SLC16A10: variants seen among roughly 807,000 people sequenced by gnomAD.
The protein encoded by SLC16A10 is solute carrier family 16 member 10, also known as monocarboxylate transporter 10.
Under a neutral mutation model 40.0 loss-of-function variants are expected in SLC16A10, and 27 were observed. The ratio of observed to expected loss-of-function variants is 0.67; its 90% CI spans 0.50 to 0.93. The LOEUF (loss-of-function observed/expected upper bound fraction) is 0.93, where lower values mean the gene tolerates loss of function less well. Among genes scored for constraint, SLC16A10 ranks in the 40% least tolerant of loss-of-function variants. The pLI is 0.00. For synonymous variants in SLC16A10, 213 were observed against 249.8 expected, an observed-to-expected ratio of 0.85 and a Z score of 1.39; for missense variants, 529 against 658.2, an observed-to-expected ratio of 0.80 and a Z score of 2.15.
At chr6:111,090,404 G>A (rs938463143) in intron 1 of SLC16A10, among the ~76,000 whole-genome samples, 1 of 152,180 alleles carries the variant, frequency 6.6e-6, no homozygotes, top group African/African-American at 2.4e-5. Flanking sequence ...CTACAGAAGG[G>A]CCCTATGCAC....
intron 1 of SLC16A10, among the ~76,000 whole-genome samples, chr6:111,146,604 G>A (rs1200585795): frequency 2.0e-5 from 3 of 152,100 alleles, no homozygotes; most frequent in Non-Finnish European, 4.4e-5. Flanking sequence ...GGCGTGGTGG[G>A]GGGGCGCCTG....
intron 1 of SLC16A10, among the ~76,000 whole-genome samples, chr6:111,096,373 C>T (rs1219688309): frequency 6.6e-6 from 1 of 152,218 alleles, no homozygotes; most frequent in African/African-American, 2.4e-5. Flanking sequence ...ACAGTCAGCT[C>T]ACCACAGTTC....
intron 1 of SLC16A10, among the ~76,000 whole-genome samples, chr6:111,094,157 T>A (rs112861697): frequency 6.6e-6 from 1 of 152,244 alleles, no homozygotes; most frequent in Non-Finnish European, 1.5e-5. Flanking sequence ...ACTCTGCTTT[T>A]GATGTGATTT....
At chr6:111,211,731 C>T (rs1467470143) in intron 4 of SLC16A10, among the ~76,000 whole-genome samples, 4 of 152,180 alleles carry the variant, frequency 2.6e-5, no homozygotes, top group Non-Finnish European at 5.9e-5. Flanking sequence ...TATTCACTAC[C>T]TCCTCTCTCT....
intron 2 of SLC16A10, among the ~76,000 whole-genome samples, chr6:111,176,555 C>A (rs1403028754): frequency 1.3e-5 from 2 of 152,172 alleles, no homozygotes; most frequent in African/African-American, 4.8e-5. Context: ...TAATTTAAGT[C>A]TTTCTGTAGT....
At chr6:111,149,850 T>C (rs750013113) in intron 1 of SLC16A10, among the ~76,000 whole-genome samples, 11 of 152,200 alleles carry the variant, frequency 7.2e-5, no homozygotes, top group Non-Finnish European at 1.0e-4. Context: ...ATGTTAAAAT[T>C]TTTGGTTAAA....
chr6:111,108,984 A>G (rs1251625266), intron 1 of SLC16A10, among the ~76,000 whole-genome samples: 1 of 152,240 alleles, frequency 6.6e-6, no homozygotes, highest in Admixed American at 6.5e-5. Context: ...TATAAATTAG[A>G]TCTTTAGAAA....
intron 1 of SLC16A10, among the ~76,000 whole-genome samples, chr6:111,116,155 A>G (rs1239341635): frequency 2.0e-5 from 3 of 152,192 alleles, no homozygotes; most frequent in African/African-American, 7.2e-5. Context: ...AGAAAGAAAA[A>G]GCTAAATGCA....
chr6:111,099,813 A>C (rs1172692384), intron 1 of SLC16A10, among the ~76,000 whole-genome samples: 1 of 152,008 alleles, frequency 6.6e-6, no homozygotes, highest in East Asian at 1.9e-4. Context: ...GCTTGAGCCC[A>C]GAAGTTCTAG....
At chr6:111,160,534 A>G (rs1466728888) in intron 1 of SLC16A10, among the ~76,000 whole-genome samples, 1 of 152,196 alleles carries the variant, frequency 6.6e-6, no homozygotes, top group East Asian at 1.9e-4. Flanking sequence ...TTGCTCAGCT[A>G]CTTTGCCAAC....
chr6:111,178,074 C>A (rs1164227177), intron 3 of SLC16A10, among the ~76,000 whole-genome samples: 1 of 152,206 alleles, frequency 6.6e-6, no homozygotes, highest in Non-Finnish European at 1.5e-5. Context: ...AATAGTGGAA[C>A]AAATTACAAT....
At chr6:111,167,340 A>G (rs559489762) in intron 1 of SLC16A10, among the ~76,000 whole-genome samples, 20 of 152,330 alleles carry the variant, frequency 1.3e-4, no homozygotes, top group African/African-American at 4.8e-4. Context: ...AGGGGAGGAA[A>G]TGAGCAAGGG....
At chr6:111,105,851 C>T (rs1771275959) in intron 1 of SLC16A10, among the ~76,000 whole-genome samples, 1 of 152,162 alleles carries the variant, frequency 6.6e-6, no homozygotes, top group African/African-American at 2.4e-5. Flanking sequence ...TGCAGTGACC[C>T]TGGAGGAAGA....
chr6:111,192,034 G>A (rs1303434537), intron 3 of SLC16A10, among the ~76,000 whole-genome samples: 2 of 152,110 alleles, frequency 1.3e-5, no homozygotes, highest in Non-Finnish European at 2.9e-5. Flanking sequence ...GATCCAATTT[G>A]TCAATTTTGG....
chr6:111,133,989 C>T (rs1371055165), intron 1 of SLC16A10, among the ~76,000 whole-genome samples: 1 of 152,194 alleles, frequency 6.6e-6, no homozygotes, highest in Non-Finnish European at 1.5e-5. Context: ...TTTGATCTGA[C>T]ATGGAGAGAT....
At position 111,087,942 on chromosome 6, in the gene SLC16A10, C is replaced by T. The variant is rs566727234; in HGVS notation, c.190C>T (p.Pro64Ser). 2.2e-5 allele frequency: 36 copies of T among 1,607,374 alleles called. No individual in the cohort carries two copies. The South Asian group carries it at 3.4e-4, about 15-fold the overall frequency. The change falls in exon 1 of 6, where the codon CCC becomes TCC. Residue 64 changes from proline to serine, a missense_variant. By Grantham distance (74) the Pro-to-Ser change is moderately conservative. Transcript: ENST00000368851. Reference sequence around the variant, plus strand: ...CGCGGAGCCCCATGAGCCCCCCGAACCCCCCGAGGGCGGCTGGGGCTGGCT... The same window carrying T: ...CGCGGAGCCCCATGAGCCCCCCGAATCCCCCGAGGGCGGCTGGGGCTGGCT... ...ATAEPHEPPE[P>S]PEGGWGWLVM...
intron 3 of SLC16A10, among the ~76,000 whole-genome samples, chr6:111,202,822 G>A (rs1291680769): frequency 1.4e-5 from 2 of 143,358 alleles, no homozygotes; most frequent in South Asian, 2.2e-4. Context: ...GGGAGGCGGA[G>A]GTTGCAGTGA....
intron 4 of SLC16A10, among the ~76,000 whole-genome samples, chr6:111,209,414 A>T (rs1228071217): frequency 6.6e-6 from 1 of 152,214 alleles, no homozygotes; most frequent in African/African-American, 2.4e-5. Context: ...TTGCCATCTT[A>T]TCAAGATCAA....
At position 111,228,101 on chromosome 6, in the gene SLC16A10, T is replaced by C. The variant is rs1239906726; in HGVS notation, c.*5866T>C. On this transcript the variant is annotated 3_prime_UTR_variant, in exon 6 of 6. Transcript: ENST00000368851. The stretch of plus-strand genomic sequence containing the variant: ...AAGAAATTCAGAATCTAGATACACT[T>C]AGATTCTAAATTAGACACACTCAGA... 1 of 152,214 alleles carries C rather than the reference T, an allele frequency of 6.6e-6. No homozygotes were observed. Among genetic ancestry groups the C allele is most frequent in the Non-Finnish European group, 1.5e-5 (1 of 68,034 alleles). 9.4% of individuals were successfully genotyped at this position (152,214 alleles called of 1,614,324 possible). A position where few individuals can be genotyped will look rare whatever the true frequency, so the allele number is the denominator to read the frequency against.
Sources: allele counts gnomAD v4.1 joint callset (sites outside exome capture counted in the v4.1 genomes callset), GRCh38; gene constraint gnomAD v4.1.1; transcripts MANE v1.5; gene names NCBI Gene and HGNC (gene_info 2026-07-23, HGNC 2026-07-21).